RIC1: variants seen among roughly 807,000 people sequenced by gnomAD.
RIC1 encodes the protein RIC1 partner of RAB6A GEF complex.
A neutral mutation model predicts 169.0 loss-of-function variants in RIC1; 88 were observed. The ratio of observed to expected loss-of-function variants is 0.52; its 90% CI spans 0.44 to 0.62. The LOEUF is 0.62. Among genes scored for constraint, RIC1 ranks in the 20% least tolerant of loss-of-function variants. The pLI is 0.00. For missense variants in RIC1, 1,877 were observed against 1,725.5 expected (o/e 1.09, Z -1.56); for synonymous variants, 790 against 601.5 (o/e 1.31, Z -4.59).
chr9:5,633,450 A>T (rs367683447), intron 1 of RIC1, among the ~76,000 whole-genome samples: 24 of 152,132 alleles, frequency 1.6e-4, no homozygotes, highest in Non-Finnish European at 1.2e-4. Flanking sequence ...CTCTTGCCTC[A>T]TTTCTGCCTG....
intron 6 of RIC1, among the ~76,000 whole-genome samples, chr9:5,726,164 C>A (rs994066696): frequency 1.3e-5 from 2 of 152,120 alleles, no homozygotes; most frequent in African/African-American, 2.4e-5. Flanking sequence ...GTTAAAGTCT[C>A]CCATTATTAT....
chr9:5,665,392 T>G (rs116147975), intron 2 of RIC1, among the ~76,000 whole-genome samples: 2,690 of 152,302 alleles, frequency 0.018, 90 homozygotes, highest in African/African-American at 0.062. Flanking sequence ...CTTGCTCCTT[T>G]AGCTCAGTGA....
At chr9:5,647,722 T>TA (rs1425145341) in intron 1 of RIC1, among the ~76,000 whole-genome samples, 2 of 152,198 alleles carry the variant, frequency 1.3e-5, no homozygotes, top group Non-Finnish European at 2.9e-5. Flanking sequence ...ATTTCCAAGT[T>TA]AGATTTATTT....
In RIC1 at chr9:5,629,281, C is replaced by T; in HGVS notation, c.-29C>T. 2 of 1,465,744 alleles carry T rather than the reference C, an allele frequency of 1.4e-6. No homozygotes were observed. Among genetic ancestry groups the T allele is most frequent in the Non-Finnish European group, 1.8e-6 (2 of 1,109,206 alleles). The allele number at this position is 1,465,744 out of a possible 1,614,324, so 90.8% of individuals were successfully genotyped here. A position where few individuals can be genotyped will look rare whatever the true frequency, so the allele number is the denominator to read the frequency against. On this transcript the variant is annotated 5_prime_UTR_variant, in exon 1 of 26. Transcript: ENST00000414202. The stretch of plus-strand genomic sequence containing the variant: ...GGGCCGCTGAGTGTGACGGACGCAA[C>T]TGGGGGCGCCGGGGGCTCCGCACGG...
rs984874989 is a variant in RIC1, at chr9:5,639,732, T to A, written c.144+10279T>A. On this transcript the variant is annotated intron_variant, in intron 1 of 25. Coordinates refer to ENST00000414202, the MANE Select transcript of RIC1 (RefSeq NM_020829.4). Reference sequence around the variant, plus strand: ...TGAGGTCTAGCTCTCTCTTTAGCCCTAATAATGTTTGCTTTGTATATCTGG... The same window carrying A: ...TGAGGTCTAGCTCTCTCTTTAGCCCAAATAATGTTTGCTTTGTATATCTGG... 3.3e-5 allele frequency among the ~76,000 whole-genome samples: 5 copies of A among 152,228 alleles called. No individual in the cohort carries two copies. The East Asian group carries it at 7.7e-4, about 23-fold the overall frequency.
chr9:5,714,013 T>G lies in RIC1; in HGVS notation c.440+10T>G, dbSNP rs1442887823. ...AAGCACCCATCATGAGGTACAGTAC[T>G]TTGGTTAAATTTGACATTGTGTGAT... is the stretch of plus-strand genomic sequence containing the variant. On this transcript the variant is annotated intron_variant, in intron 4 of 25. Transcript: ENST00000414202. The G allele has an allele frequency of 6.4e-7, 1 of 1,555,264 alleles. No individual in the cohort carries two copies. Among genetic ancestry groups the G allele is most frequent in the African/African-American group, 1.4e-5 (1 of 73,898 alleles).
chr9:5,762,693 A>G, intron 18 of RIC1, 33 bp downstream of exon 18: 2 of 1,606,376 alleles, frequency 1.2e-6, no homozygotes, highest in Non-Finnish European at 1.7e-6. Context: ...CTTTTCAAAC[A>G]TTAAGAAGGT....
In RIC1 at chr9:5,743,683, T is replaced by A; in HGVS notation, c.1047-6T>A. ...TGTATTATATTTAGTTTCTGTTCTG[T>A]TTCAGTTATAGGTCTGATGGCACCA... On this transcript the variant is annotated splice_region_variant and splice_polypyrimidine_tract_variant and intron_variant, in intron 9 of 25. Transcript: ENST00000414202. 6.2e-7 allele frequency: 1 copy of A among 1,600,342 alleles called. No individual in the cohort carries two copies. The highest frequency in any genetic ancestry group is 8.6e-7 in the Non-Finnish European group (1 of 1,169,148).
intron 1 of RIC1, among the ~76,000 whole-genome samples, chr9:5,645,243 G>T (rs1177304147): frequency 6.6e-6 from 1 of 151,974 alleles, no homozygotes; most frequent in East Asian, 1.9e-4. Context: ...GTAGAGACAG[G>T]GTCTCCATAA....
chr9:5,729,898 C>G (rs537847291), intron 6 of RIC1, among the ~76,000 whole-genome samples: 1 of 151,448 alleles, frequency 6.6e-6, no homozygotes, highest in Admixed American at 6.6e-5. Context: ...ATCTTTGGGA[C>G]TTAAATGTTT....
At chr9:5,693,049 G>C (rs1434609953) in intron 3 of RIC1, among the ~76,000 whole-genome samples, 1 of 152,042 alleles carries the variant, frequency 6.6e-6, no homozygotes, top group African/African-American at 2.4e-5. Flanking sequence ...TCTCAACCCT[G>C]TTTATGCTCC....
chr9:5,691,725 T>G (rs1441468241), intron 3 of RIC1, among the ~76,000 whole-genome samples: 1 of 151,986 alleles, frequency 6.6e-6, no homozygotes, highest in Non-Finnish European at 1.5e-5. Flanking sequence ...ACTACTATGT[T>G]TGTTTTATTG....
In RIC1 at chr9:5,763,925, T is replaced by G. The variant is rs1286761233; in HGVS notation, c.2841+57T>G. On this transcript the variant is annotated intron_variant, in intron 19 of 25. Transcript: ENST00000414202. This position sits in a 1 kb window ranked among gnomAD's most constrained non-coding sequence, Gnocchi z 5.2. Reference sequence around the variant, plus strand: ...ATTAATGAGCTTAAACTTAGAAAAATAGAAATGTCCTGTTTTGACACCATG... The same window carrying G: ...ATTAATGAGCTTAAACTTAGAAAAAGAGAAATGTCCTGTTTTGACACCATG... 1 of 1,509,562 alleles carries G rather than the reference T, an allele frequency of 6.6e-7. No individual in the cohort carries two copies. The highest frequency in any genetic ancestry group is 2.1e-5 in the Admixed American group (1 of 46,534). 93.5% of individuals were successfully genotyped at this position (1,509,562 alleles called of 1,614,324 possible).
intron 17 of RIC1, among the ~76,000 whole-genome samples, chr9:5,758,882 C>T (rs1826170070): frequency 1.3e-5 from 2 of 151,860 alleles, no homozygotes; most frequent in African/African-American, 4.8e-5. Context: ...CTAGCTGGGA[C>T]TGCAGGTGCA....
intron 1 of RIC1, among the ~76,000 whole-genome samples, chr9:5,634,892 G>A (rs1009279984): frequency 2.4e-4 from 36 of 151,914 alleles, no homozygotes; most frequent in African/African-American, 8.0e-4. Flanking sequence ...ATTTTTGTGG[G>A]TACATAGTAG....
At chr9:5,640,124 G>C (rs927403889) in intron 1 of RIC1, among the ~76,000 whole-genome samples, 1 of 152,094 alleles carries the variant, frequency 6.6e-6, no homozygotes, top group Non-Finnish European at 1.5e-5. Context: ...TTTTCTGGTT[G>C]TTTTGTGGTC....
At chr9:5,756,470 A>G (rs1443708747) in intron 16 of RIC1, 98 bp downstream of exon 16, 2 of 787,516 alleles carry the variant, frequency 2.5e-6, no homozygotes, top group Non-Finnish European at 3.6e-6. Flanking sequence ...CCACTTTTAT[A>G]TTCAATCTTG....
chr9:5,717,108 A>G (rs1823293053), intron 4 of RIC1, among the ~76,000 whole-genome samples: 2 of 152,168 alleles, frequency 1.3e-5, no homozygotes, highest in Admixed American at 6.5e-5. Flanking sequence ...GATTATCTAT[A>G]AGTCTATTTA....
Position 5,763,935 on chromosome 9 carries a change from C to T in RIC1, c.2841+67C>T. The T allele has an allele frequency of 6.8e-7, 1 of 1,478,206 alleles. No individual in the cohort carries two copies. The highest frequency in any genetic ancestry group is 9.1e-7 in the Non-Finnish European group (1 of 1,097,892). The allele number at this position is 1,478,206 out of a possible 1,614,324, so 91.6% of individuals were successfully genotyped here. A position where few individuals can be genotyped will look rare whatever the true frequency, so the allele number is the denominator to read the frequency against. On this transcript the variant is annotated intron_variant, in intron 19 of 25. Coordinates refer to ENST00000414202, the MANE Select transcript of RIC1 (RefSeq NM_020829.4). The surrounding 1 kb of genome is among the most constrained non-coding windows in gnomAD (Gnocchi z 5.2). ...TTAAACTTAGAAAAATAGAAATGTC[C>T]TGTTTTGACACCATGATTGTGTTTA...
Sources: gnomAD v4.1 joint callset for allele counts (sites outside exome capture counted in the v4.1 genomes callset) on GRCh38, gnomAD v4.1.1 for gene constraint, Gnocchi (gnomAD v3.1) non-coding constraint, MANE v1.5 for transcripts, NCBI Gene and HGNC (gene_info 2026-07-23, HGNC 2026-07-21) for gene names.